The following ROBO2 variants were observed in gnomAD, a reference collection of about 807,000 sequenced individuals.
ROBO2 encodes roundabout homolog 2.
A neutral mutation model predicts 160.8 loss-of-function variants in ROBO2; 53 were observed. The ratio of observed to expected loss-of-function variants is 0.33; its 90% CI spans 0.26 to 0.41. The LOEUF (loss-of-function observed/expected upper bound fraction) is 0.41, where lower values mean the gene tolerates loss of function less well. Ranked by LOEUF, ROBO2 falls within the 10% of genes least tolerant of loss-of-function variation. ROBO2 has a pLI of 1.00. For missense variants in ROBO2, 1,577 were observed against 1,722.4 expected, an observed-to-expected ratio of 0.92 and a Z score of 1.49; for synonymous variants, 664 against 611.7, an observed-to-expected ratio of 1.09 and a Z score of -1.26.
In ROBO2 at chr3:76,453,399, A is replaced by G. The variant is rs190971112; in HGVS notation, c.109+515797A>G. On this transcript the variant is annotated intron_variant, in intron 2 of 26. Coordinates refer to the ROBO2 transcript ENST00000487694. ...CAGTTTCAACTTCCTACATATGGCT[A>G]GCCAGTTTTCCCAGCACCATTTATG... Among the ~76,000 whole-genome samples, 577 of 152,334 alleles carry G rather than the reference A, an allele frequency of 3.8e-3. 4 individuals are homozygous for G. The highest frequency in any genetic ancestry group is 0.013 in the African/African-American group (520 of 41,568).
At chr3:75,984,667 G>A (rs991545405) in intron 2 of ROBO2, among the ~76,000 whole-genome samples, 5 of 151,340 alleles carry the variant, frequency 3.3e-5, no homozygotes, top group Non-Finnish European at 7.4e-5. Flanking sequence ...ACATCTATAA[G>A]TACATGTATT....
rs1390906079 is a variant in ROBO2, at chr3:76,722,402, G to A, written c.110-375612G>A. On this transcript the variant is annotated intron_variant, in intron 2 of 26. Transcript: ENST00000487694. ...CCCAAAGTGCTAGGACTACAGGCGT[G>A]AACCACCGCACCTGGCCAAAACTTT... Among the ~76,000 whole-genome samples, 6 of 152,172 alleles carry A rather than the reference G, an allele frequency of 3.9e-5. 1 individual carries two copies. The East Asian group carries it at 9.7e-4, about 25-fold the overall frequency.
At chr3:76,871,547 C>T (rs549266555) in intron 2 of ROBO2, among the ~76,000 whole-genome samples, 1 of 143,458 alleles carries the variant, frequency 7.0e-6, no homozygotes, top group African/African-American at 2.6e-5. Context: ...GAGCGAGACT[C>T]CGTCTCAAAA....
intron 2 of ROBO2, among the ~76,000 whole-genome samples, chr3:76,572,549 A>T (rs2085021999): frequency 6.6e-6 from 1 of 152,154 alleles, no homozygotes; most frequent in South Asian, 2.1e-4. Flanking sequence ...ACAATGCATA[A>T]ACAGATTAAT....
intron 12 of ROBO2, 136 bp downstream of exon 13, chr3:77,565,256 G>T: frequency 9.6e-7 from 1 of 1,042,108 alleles, no homozygotes; most frequent in Non-Finnish European, 1.5e-6. Context: ...TCCAGGGAAG[G>T]AGAAGGTAGC....
chr3:76,445,291 A>G (rs2077121969), intron 2 of ROBO2, among the ~76,000 whole-genome samples: 1 of 152,216 alleles, frequency 6.6e-6, no homozygotes, highest in Non-Finnish European at 1.5e-5. Context: ...CATTTAATGG[A>G]AAGTGTGTAT....
intron 2 of ROBO2, among the ~76,000 whole-genome samples, chr3:76,829,264 C>A (rs1296348125): frequency 6.6e-6 from 1 of 152,136 alleles, no homozygotes; most frequent in East Asian, 1.9e-4. Context: ...AATGTCCTGT[C>A]AAAATGCTGT....
chr3:77,008,692 G>A (rs1391485550), intron 2 of ROBO2, among the ~76,000 whole-genome samples: 2 of 152,170 alleles, frequency 1.3e-5, no homozygotes, highest in Admixed American at 1.3e-4. Flanking sequence ...AAAGATCGGG[G>A]TTAGAGATAT....
At chr3:76,089,784 A>G (rs1348588509) in intron 2 of ROBO2, among the ~76,000 whole-genome samples, 2 of 152,154 alleles carry the variant, frequency 1.3e-5, no homozygotes, top group African/African-American at 2.4e-5. Context: ...ATGCAAGAAG[A>G]TTCAATTCAC....
intron 2 of ROBO2, among the ~76,000 whole-genome samples, chr3:76,645,823 A>G (rs1380690340): frequency 6.6e-6 from 1 of 152,226 alleles, no homozygotes; most frequent in Non-Finnish European, 1.5e-5. Context: ...AAGGCTTACA[A>G]TTACTTTCAA....
chr3:75,929,076 G>A (rs13077224), intron 1 of ROBO2, among the ~76,000 whole-genome samples: 191 of 718 alleles, frequency 0.27, 89 homozygotes, highest in Middle Eastern at 1. Flanking sequence ...TGGATAAGAC[G>A]TGTGTGTGTG....
At chr3:76,649,580 G>A (rs1014289700) in intron 2 of ROBO2, among the ~76,000 whole-genome samples, 2 of 151,948 alleles carry the variant, frequency 1.3e-5, no homozygotes, top group African/African-American at 2.4e-5. Flanking sequence ...TTTAAAAGGA[G>A]GTGAGAATTT....
At chr3:76,808,029 G>T (rs1034691018) in intron 2 of ROBO2, among the ~76,000 whole-genome samples, 1 of 151,884 alleles carries the variant, frequency 6.6e-6, no homozygotes, top group Non-Finnish European at 1.5e-5. Context: ...AAATCAATAC[G>T]ATGTTAAGAG....
intron 2 of ROBO2, among the ~76,000 whole-genome samples, chr3:77,464,324 G>A (rs975975624): frequency 6.6e-6 from 1 of 152,166 alleles, no homozygotes; most frequent in Non-Finnish European, 1.5e-5. Context: ...TTAAATGGGA[G>A]TTCCAAGTCC....
intron 2 of ROBO2, among the ~76,000 whole-genome samples, chr3:76,294,676 C>T (rs950548126): frequency 1.3e-5 from 2 of 151,986 alleles, no homozygotes; most frequent in African/African-American, 2.4e-5. Flanking sequence ...ATTACTTTTT[C>T]GAAAATGGTG....
At chr3:76,136,308 C>T (rs1449867865) in intron 2 of ROBO2, among the ~76,000 whole-genome samples, 4 of 151,770 alleles carry the variant, frequency 2.6e-5, no homozygotes, top group Non-Finnish European at 5.9e-5. Flanking sequence ...TGATAAAGCT[C>T]CCTCCTGTCA....
At chr3:76,609,375 G>T (rs114265105) in intron 2 of ROBO2, among the ~76,000 whole-genome samples, 1,642 of 152,000 alleles carry the variant, frequency 0.011, 33 homozygotes, top group African/African-American at 0.036. Context: ...TTAAAGGATT[G>T]TTTTTCCCTT....
intron 2 of ROBO2, among the ~76,000 whole-genome samples, chr3:76,287,948 TC>T (rs1299036105): frequency 1.3e-5 from 2 of 152,238 alleles, no homozygotes; most frequent in African/African-American, 4.8e-5. Context: ...CATTCCATTT[TC>T]CATTTAGGCT....
At chr3:76,683,134 C>T (rs1157954568) in intron 2 of ROBO2, among the ~76,000 whole-genome samples, 3 of 152,060 alleles carry the variant, frequency 2.0e-5, no homozygotes, top group African/African-American at 4.8e-5. Context: ...AAAGGAGCAA[C>T]AGAGTAATTG....
Sources: allele counts gnomAD v4.1 joint callset (sites outside exome capture counted in the v4.1 genomes callset), GRCh38; gene constraint gnomAD v4.1.1; transcripts MANE v1.5; gene names NCBI Gene and HGNC (gene_info 2026-07-23, HGNC 2026-07-21).